The following LRRC27 variants were observed in gnomAD, a reference collection of about 807,000 sequenced individuals.
LRRC27 encodes leucine-rich repeat-containing protein 27.
Under a neutral mutation model 55.0 loss-of-function variants are expected in LRRC27, and 57 were observed. The ratio of observed to expected loss-of-function variants is 1.04; its 90% CI spans 0.84 to 1.29. The LOEUF (loss-of-function observed/expected upper bound fraction) is 1.29. Ranked by LOEUF, LRRC27 falls within the 50% of genes most tolerant of loss-of-function variation. The pLI is 0.00. For synonymous variants in LRRC27, 278 were observed against 251.9 expected (o/e 1.10, Z -0.98); for missense variants, 721 against 651.5 (o/e 1.11, Z -1.16).
chr10:132,362,492 G>C (rs909463350), intron 9 of LRRC27, among the ~76,000 whole-genome samples: 5 of 152,194 alleles, frequency 3.3e-5, no homozygotes, highest in Non-Finnish European at 2.9e-5. Context: ...GAGCAGAGTC[G>C]GGGCGCAAGG....
At chr10:132,366,067 C>T (rs1287503296) in intron 10 of LRRC27, among the ~76,000 whole-genome samples, 1 of 152,356 alleles carries the variant, frequency 6.6e-6, no homozygotes. Context: ...TGTGCCAGGC[C>T]ACATGGCGGG....
chr10:132,373,263 C>T (rs1263485886), intron 10 of LRRC27, among the ~76,000 whole-genome samples: 2 of 152,284 alleles, frequency 1.3e-5, no homozygotes, highest in South Asian at 2.1e-4. Context: ...AGTTAGAGGA[C>T]GACCTGAGCA....
intron 7 of LRRC27, chr10:132,353,147 C>CG (rs2068145740): frequency 7.0e-7 from 1 of 1,438,560 alleles, no homozygotes. Context: ...CTTTGGCCAG[C>CG]GGGGGCCCCC....
At chr10:132,341,534 C>T (rs1024557929) in intron 3 of LRRC27, among the ~76,000 whole-genome samples, 9 of 152,126 alleles carry the variant, frequency 5.9e-5, no homozygotes, top group African/African-American at 2.2e-4. Context: ...TCTAGGCATC[C>T]ATGATATATT....
In LRRC27 at chr10:132,365,325, G is replaced by C. The variant is rs748384615; in HGVS notation, c.1290-99G>C. The C allele has an allele frequency of 4.6e-6, 7 of 1,511,856 alleles. No individual in the cohort carries two copies. The Admixed American group carries it at 5.1e-5, about 11-fold the overall frequency. The allele number at this position is 1,511,856 out of a possible 1,614,324, so 93.7% of individuals were successfully genotyped here. On this transcript the variant is annotated intron_variant, in intron 9 of 10. Coordinates refer to ENST00000368614, the MANE Select transcript of LRRC27 (RefSeq NM_030626.3). ...GAGCCTCAGGACCGCTGTTTGGTCT[G>C]GGAAGAAAGGCACATGCTTTCTCCC...
At position 132,375,820 on chromosome 10, in the gene LRRC27, G is replaced by C. The variant is rs944192200; in HGVS notation, c.*578G>C. 4 of 152,492 alleles carry C rather than the reference G, an allele frequency of 2.6e-5. No individual in the cohort carries two copies. Among genetic ancestry groups the C allele is most frequent in the African/African-American group, 7.2e-5 (3 of 41,450 alleles). 9.4% of individuals were successfully genotyped at this position (152,492 alleles called of 1,614,324 possible). A position where few individuals can be genotyped will look rare whatever the true frequency, so the allele number is the denominator to read the frequency against. ...CTCCTTTCAGCCTTGACCCCTTCCT[G>C]GTTGCTACCACTCAGGCTGCCACTC... is the stretch of plus-strand genomic sequence containing the variant. On this transcript the variant is annotated 3_prime_UTR_variant, in exon 11 of 11. Coordinates refer to ENST00000368614, the MANE Select transcript of LRRC27 (RefSeq NM_030626.3).
chr10:132,334,390 T>C (rs971874110), intron 2 of LRRC27, among the ~76,000 whole-genome samples: 8 of 152,198 alleles, frequency 5.3e-5, no homozygotes, highest in African/African-American at 1.7e-4. Context: ...AACATAGTTA[T>C]GATATTGATT....
At chr10:132,363,506 C>T (rs1042294594) in intron 9 of LRRC27, among the ~76,000 whole-genome samples, 1 of 152,188 alleles carries the variant, frequency 6.6e-6, no homozygotes, top group Admixed American at 6.5e-5. Flanking sequence ...TGGGCCCCTC[C>T]CTCGCACCTC....
chr10:132,332,019 A>G (rs928431764), upstream of LRRC27: 16 of 337,708 alleles, frequency 4.7e-5, no homozygotes, highest in Non-Finnish European at 7.3e-5. Context: ...GCGCAGGGGC[A>G]CCCACACCCC....
Position 132,348,887 on chromosome 10 carries a change from C to A in LRRC27, c.926+531C>A. 2.0e-6 allele frequency: 2 copies of A among 1,023,522 alleles called. No homozygotes were observed. 63.4% of individuals were successfully genotyped at this position (1,023,522 alleles called of 1,614,324 possible). On this transcript the variant is annotated intron_variant, in intron 6 of 10. Coordinates refer to ENST00000368614, the MANE Select transcript of LRRC27 (RefSeq NM_030626.3). The surrounding 1 kb of genome is among the most constrained non-coding windows in gnomAD (Gnocchi z 4.2). Reference sequence around the variant, plus strand: ...CAAAAGGAAGGCAGTCATTGTGTGGCCCACTTCCAAAGCTTGCCTTTGCCT... The same window carrying A: ...CAAAAGGAAGGCAGTCATTGTGTGGACCACTTCCAAAGCTTGCCTTTGCCT...
rs534949686 is a variant in LRRC27 at position 132,361,108 on chromosome 10, C to T, written c.1171-349C>T. 1.6e-3 allele frequency among the ~76,000 whole-genome samples: 244 copies of T among 152,284 alleles called. 1 individual carries two copies. Among genetic ancestry groups the T allele is most frequent in the African/African-American group, 5.6e-3 (232 of 41,554 alleles). On this transcript the variant is annotated intron_variant, in intron 8 of 10. Transcript: ENST00000368614. ...CCTGTGGAGAGGGGCCATCTAAGGA[C>T]GCCTGTAGGAAGCCAGCCACTGCAG... is the stretch of plus-strand genomic sequence containing the variant.
rs774188179 is a variant in LRRC27 at position 132,375,112 on chromosome 10, C to CAAAGAT, written c.1463_1464insAAAGAT (p.Thr488_Leu489insLysIle). 6 of 1,614,048 alleles carry CAAAGAT rather than the reference C, an allele frequency of 3.7e-6. No homozygotes were observed. Among genetic ancestry groups the CAAAGAT allele is most frequent in the Non-Finnish European group, 4.2e-6 (5 of 1,179,950 alleles). ...GTATTGAAGCTAAAATTGGGATTAACCTTGAACAAAGATCGTCGACGGGCG... is the reference window on the plus strand; with the variant it reads ...GTATTGAAGCTAAAATTGGGATTAACAAAGATCTTGAACAAAGATCGTCGACGGGCG... On this transcript the variant is annotated inframe_insertion, in exon 11 of 11. Coordinates refer to ENST00000368614, the MANE Select transcript of LRRC27 (RefSeq NM_030626.3).
Position 132,355,317 on chromosome 10 carries a change from C to T in LRRC27, c.1074-473C>T, listed in dbSNP as rs140096860. Among the ~76,000 whole-genome samples, 505 of 152,276 alleles carry T rather than the reference C, an allele frequency of 3.3e-3. 2 individuals carry two copies. The highest frequency in any genetic ancestry group is 0.011 in the African/African-American group (476 of 41,546). Reference sequence around the variant, plus strand: ...GTCTCGATCTCCTGACCTCGTGATCCGCCCGCCTTGGCCAGATGCCTGTTT... The same window carrying T: ...GTCTCGATCTCCTGACCTCGTGATCTGCCCGCCTTGGCCAGATGCCTGTTT... On this transcript the variant is annotated intron_variant, in intron 7 of 10. Coordinates refer to ENST00000368614, the MANE Select transcript of LRRC27 (RefSeq NM_030626.3).
At chr10:132,331,856 G>T (rs577493247), upstream of LRRC27, 3 of 1,408,210 alleles carry the variant, frequency 2.1e-6, no homozygotes, top group Admixed American at 2.1e-5. Flanking sequence ...GGATGCTACC[G>T]TTGGCCGCGT....
intron 3 of LRRC27, among the ~76,000 whole-genome samples, chr10:132,341,488 A>G (rs559086309): frequency 3.9e-5 from 6 of 152,354 alleles, no homozygotes; most frequent in Admixed American, 2.0e-4. Context: ...TCCATCATTC[A>G]ACTAGTAAAT....
Position 132,375,335 on chromosome 10 carries a change from G to T in LRRC27, c.*93G>T, listed in dbSNP as rs536580358. 3 of 1,226,766 alleles carry T rather than the reference G, an allele frequency of 2.4e-6. No homozygotes were observed. The highest frequency in any genetic ancestry group is 1.5e-5 in the African/African-American group (1 of 65,920). The allele number at this position is 1,226,766 out of a possible 1,614,324, so 76.0% of individuals were successfully genotyped here. On this transcript the variant is annotated 3_prime_UTR_variant, in exon 11 of 11. Transcript: ENST00000368614. ...GCCTCCTGTGTGGTGCCGGAAGAGC[G>T]CCAGGTTCAGTGTTACCCTGAGGGC...
intron 3 of LRRC27, 100 bp from the exon 4 acceptor site, chr10:132,342,113 C>A: frequency 1.4e-6 from 1 of 717,010 alleles, no homozygotes. Flanking sequence ...TTGAAGTTGC[C>A]CCTGAAAGAG....
Position 132,365,427 on chromosome 10 carries a change from C to G in LRRC27, c.1293C>G (p.Ala431=). The part of the protein sequence containing the change: ...KSPQASKEMS[A]LQERNLEEKI... ...CTCTTTGCCCTTTGTTTCTCAGTGC[C>G]CTGCAGGAGAGAAATTTAGAAGAGA... The change falls in exon 10 of 11, where the codon GCC becomes GCG. Residue 431 remains alanine (A), a synonymous_variant. Transcript: ENST00000368614. The G allele has an allele frequency of 6.2e-7, 1 of 1,613,496 alleles. No homozygotes were observed. The highest frequency in any genetic ancestry group is 8.5e-7 in the Non-Finnish European group (1 of 1,179,918).
chr10:132,380,905 A>G lies in LRRC27; in HGVS notation c.*5663A>G, dbSNP rs2069403193. 6.6e-6 allele frequency among the ~76,000 whole-genome samples: 1 copy of G among 152,236 alleles called. No homozygotes were observed. On this transcript the variant is annotated 3_prime_UTR_variant, in exon 11 of 11. Coordinates refer to ENST00000368614, the MANE Select transcript of LRRC27 (RefSeq NM_030626.3). ...TGAATCCAGCGTAAGGACCATAGTA[A>G]AAAAATAAGGAAATTTGTGAGCAGG...
Sources: allele counts gnomAD v4.1 joint callset (sites outside exome capture counted in the v4.1 genomes callset), GRCh38; gene constraint gnomAD v4.1.1; non-coding constraint Gnocchi (gnomAD v3.1); transcripts MANE v1.5; gene names NCBI Gene and HGNC (gene_info 2026-07-23, HGNC 2026-07-21).